CCDC157: variants seen among roughly 807,000 people sequenced by gnomAD.
The protein encoded by CCDC157 is coiled-coil domain-containing protein 157.
CCDC157 carries 60 observed loss-of-function variants against 70.9 expected under a neutral mutation model. The ratio of observed to expected loss-of-function variants is 0.85; its 90% CI spans 0.69 to 1.05. The LOEUF is 1.05. Among genes scored for constraint, CCDC157 ranks in the 50% least tolerant of loss-of-function variants. The pLI is 0.00. For missense variants in CCDC157, 943 were observed against 984.2 expected (o/e 0.96, Z 0.56); for synonymous variants, 373 against 422.4 (o/e 0.88, Z 1.43).
chr22:30,376,384 G>C, intron 11 of CCDC157, 37 bp downstream of exon 11: 1 of 1,613,438 alleles, frequency 6.2e-7, no homozygotes, highest in Non-Finnish European at 8.5e-7. Context: ...GCAGGTGAGT[G>C]GAGTGTTCCC....
intron 4 of CCDC157, chr22:30,369,860 C>T (rs1009394635): frequency 2.2e-6 from 1 of 457,256 alleles, no homozygotes; most frequent in Non-Finnish European, 3.9e-6. Context: ...CTTTGAACCG[C>T]AGTTTCTTCA....
intron 1 of CCDC157, among the ~76,000 whole-genome samples, chr22:30,359,542 T>G (rs1443593434): frequency 1.3e-5 from 2 of 152,202 alleles, no homozygotes; most frequent in African/African-American, 2.4e-5. Flanking sequence ...ATTTGCTGAA[T>G]GCACACACAG....
chr22:30,357,778 A>G (rs909971360), intron 1 of CCDC157, among the ~76,000 whole-genome samples: 18 of 151,510 alleles, frequency 1.2e-4, no homozygotes, highest in African/African-American at 4.1e-4. Context: ...CGGCTTCCCA[A>G]AGTGTTAGGG....
At chr22:30,360,230 G>A (rs1261650653) in intron 1 of CCDC157, among the ~76,000 whole-genome samples, 6 of 152,252 alleles carry the variant, frequency 3.9e-5, no homozygotes, top group South Asian at 4.1e-4. Flanking sequence ...CCTGCCGGGC[G>A]CGGTGGCTCA....
At chr22:30,373,535 C>G in intron 7 of CCDC157, 62 bp from the exon 8 acceptor site, 1 of 1,530,370 alleles carries the variant, frequency 6.5e-7, no homozygotes, top group Non-Finnish European at 8.8e-7. Context: ...CTCCTTAGTT[C>G]CACATGGCTG....
In CCDC157 at chr22:30,370,876, C is replaced by T; in HGVS notation, c.971C>T (p.Ala324Val). The change falls in exon 5 of 12, where the codon GCA becomes GTA. Residue 324 changes from alanine (A) to valine (V), a missense_variant. Physicochemically the swap from Ala to Val is moderately conservative, Grantham distance 64. Coordinates refer to ENST00000338306, the MANE Select transcript of CCDC157 (RefSeq NM_001017437.5). ...LEQALKQEQG[A>V]RRRQAEEDEQ... is the part of the protein sequence containing the mutation. ...CAGGCGCTGAAACAGGAGCAGGGGG[C>T]ACGGCGGCGACAGGCGGAGGAGGAT... is the stretch of plus-strand genomic sequence containing the variant. 6.2e-7 allele frequency: 1 copy of T among 1,611,850 alleles called. No individual in the cohort carries two copies. Among genetic ancestry groups the T allele is most frequent in the Non-Finnish European group, 8.5e-7 (1 of 1,179,932 alleles).
chr22:30,363,580 C>T (rs1277513121), intron 2 of CCDC157, among the ~76,000 whole-genome samples: 2 of 151,314 alleles, frequency 1.3e-5, no homozygotes, highest in East Asian at 1.9e-4. Context: ...TGTATAAAAA[C>T]GTAATGGCAG....
rs757595844 is a variant in CCDC157 at position 30,373,643 on chromosome 22, T to C, written c.1382T>C (p.Leu461Pro). 21 of 1,558,648 alleles carry C rather than the reference T, an allele frequency of 1.3e-5. 1 individual carries two copies. In the Admixed American group the frequency reaches 3.8e-4, roughly 29 times the overall value. ...GCCCTGCTAAAGCAGCTGGACAGCC[T>C]GGACCAGGAACGTGAGGAGCTGCGG... ...QRALLKQLDS[L>P]DQEREELRGS... The change falls in exon 8 of 12, where the codon CTG (leucine) becomes CCG (proline). Residue 461 changes from leucine (L) to proline (P), a missense_variant. Physicochemically the swap from Leu to Pro is moderately conservative, Grantham distance 98. Coordinates refer to ENST00000338306, the MANE Select transcript of CCDC157 (RefSeq NM_001017437.5).
chr22:30,376,357 G>A lies in CCDC157; in HGVS notation c.1946+10G>A. 6.2e-7 allele frequency: 1 copy of A among 1,613,880 alleles called. No individual in the cohort carries two copies. Among genetic ancestry groups the A allele is most frequent in the Non-Finnish European group, 8.5e-7 (1 of 1,179,888 alleles). ...AGAGCACATCCCCAGGGTGAGTGAG[G>A]CTTTACTGGAGGTGGGGCAGGTGAG... is the stretch of plus-strand genomic sequence containing the variant. On this transcript the variant is annotated intron_variant, in intron 11 of 11. Coordinates refer to ENST00000338306, the MANE Select transcript of CCDC157 (RefSeq NM_001017437.5).
intron 6 of CCDC157, 71 bp downstream of exon 6, chr22:30,371,798 T>G: frequency 7.5e-7 from 1 of 1,333,484 alleles, no homozygotes; most frequent in Non-Finnish European, 1.1e-6. Context: ...GCATCGTCCA[T>G]CTCTGTCCCC....
At chr22:30,375,133 A>G (rs756887240) in intron 9 of CCDC157, 3 of 291,374 alleles carry the variant, frequency 1.0e-5, no homozygotes, top group Non-Finnish European at 2.0e-5. Flanking sequence ...TCATTTTTCT[A>G]TTTTTAGTAG....
rs1309635996 is a variant in CCDC157 at position 30,378,186 on chromosome 22, A to G, written c.*1441A>G. 1 of 470,710 alleles carries G rather than the reference A, an allele frequency of 2.1e-6. No homozygotes were observed. The highest frequency in any genetic ancestry group is 4.4e-6 in the Non-Finnish European group (1 of 226,804). The allele number at this position is 470,710 out of a possible 1,614,324, so 29.2% of individuals were successfully genotyped here. A position where few individuals can be genotyped will look rare whatever the true frequency, so the allele number is the denominator to read the frequency against. On this transcript the variant is annotated 3_prime_UTR_variant, in exon 12 of 12. Transcript: ENST00000338306. ...GGATTTCTCATGTGCTGAATCCCCCACATGCTTCAAATCCCTGACTTCCTC... is the reference window on the plus strand; with the variant it reads ...GGATTTCTCATGTGCTGAATCCCCCGCATGCTTCAAATCCCTGACTTCCTC...
At chr22:30,358,232 G>T (rs1428100350) in intron 1 of CCDC157, among the ~76,000 whole-genome samples, 5 of 152,210 alleles carry the variant, frequency 3.3e-5, no homozygotes, top group Admixed American at 1.3e-4. Context: ...CATCGTAGCT[G>T]TGTGTCATGG....
intron 7 of CCDC157, 132 bp downstream of exon 7, chr22:30,372,418 T>A: frequency 8.0e-7 from 1 of 1,246,842 alleles, no homozygotes; most frequent in Non-Finnish European, 1.1e-6. Flanking sequence ...GTGTGGGGGT[T>A]GACTCACCTT....
chr22:30,376,647 C>A lies in CCDC157; in HGVS notation c.2161C>A (p.Gln721Lys), dbSNP rs1003699509. 1.9e-6 allele frequency: 3 copies of A among 1,613,780 alleles called. No homozygotes were observed. Among genetic ancestry groups the A allele is most frequent in the Non-Finnish European group, 1.7e-6 (2 of 1,180,020 alleles). The change falls in exon 12 of 12, where the codon CAG becomes AAG. Residue 721 changes from glutamine (Q) to lysine (K), a missense_variant. By Grantham distance (53) the Gln-to-Lys change is moderately conservative. Coordinates refer to ENST00000338306, the MANE Select transcript of CCDC157 (RefSeq NM_001017437.5). ...EGVTHLDTCT[Q>K]NPIKVLVRLR... ...TGTGACCCACTTGGACACCTGCACC[C>A]AGAACCCCATCAAGGTCTTGGTCAG...
chr22:30,364,165 T>C (rs1175462435), intron 2 of CCDC157, among the ~76,000 whole-genome samples: 8 of 152,112 alleles, frequency 5.3e-5, no homozygotes, highest in Admixed American at 1.3e-4. Context: ...CTCAAGATGT[T>C]ACCCCCCCAA....
rs780962836 is a variant in CCDC157 at position 30,370,818 on chromosome 22, G to T, written c.913G>T (p.Asp305Tyr). 6.2e-7 allele frequency: 1 copy of T among 1,613,134 alleles called. No individual in the cohort carries two copies. Among genetic ancestry groups the T allele is most frequent in the Non-Finnish European group, 8.5e-7 (1 of 1,180,014 alleles). Reference sequence around the variant, plus strand: ...GCTGGAGGAGGCTGAAGGGCAGAAGGATGGCCTGAGGAAGCAGGCGGGCAA... The same window carrying T: ...GCTGGAGGAGGCTGAAGGGCAGAAGTATGGCCTGAGGAAGCAGGCGGGCAA... The part of the protein sequence containing the change: ...AQLEEAEGQK[D>Y]GLRKQAGKLE... Residue 305 changes from aspartate (D) to tyrosine (Y), a missense_variant, in exon 5 of 12, where the codon GAT becomes TAT. By Grantham distance (160) the Asp-to-Tyr change is radical. Transcript: ENST00000338306.
At chr22:30,357,460 C>T (rs1335077518) in intron 1 of CCDC157, among the ~76,000 whole-genome samples, 10 of 152,204 alleles carry the variant, frequency 6.6e-5, no homozygotes, top group Admixed American at 6.5e-4. Flanking sequence ...TCAAGCCCCA[C>T]TGGGGGCCTC....
At chr22:30,360,015 C>A (rs914555193) in intron 1 of CCDC157, among the ~76,000 whole-genome samples, 1 of 152,132 alleles carries the variant, frequency 6.6e-6, no homozygotes, top group Non-Finnish European at 1.5e-5. Flanking sequence ...TGCGGTGGCA[C>A]CCACCTGTAG....
Sources: allele counts gnomAD v4.1 joint callset (sites outside exome capture counted in the v4.1 genomes callset), GRCh38; gene constraint gnomAD v4.1.1; transcripts MANE v1.5; gene names NCBI Gene and HGNC (gene_info 2026-07-23, HGNC 2026-07-21).